Variants in G2E3 observed in about 807,000 individuals in gnomAD.
The protein encoded by G2E3 is G2/M phase-specific E3 ubiquitin-protein ligase.
In G2E3, 35 loss-of-function variants were observed where a neutral mutation model predicts 92.8. That is an observed-to-expected ratio of 0.38 (90% CI 0.29 to 0.50). G2E3 has a LOEUF of 0.50. Among genes scored for constraint, G2E3 ranks in the 20% least tolerant of loss-of-function variants. G2E3 has a pLI of 0.94. For synonymous variants in G2E3, 242 were observed against 272.4 expected, an observed-to-expected ratio of 0.89 and a Z score of 1.10; for missense variants, 554 against 823.8, an observed-to-expected ratio of 0.67 and a Z score of 4.01.
At chr14:30,583,074 T>C (rs549275816) in intron 2 of G2E3, among the ~76,000 whole-genome samples, 3 of 152,138 alleles carry the variant, frequency 2.0e-5, no homozygotes, top group Admixed American at 6.5e-5. Flanking sequence ...CCAGTGTGCA[T>C]GGTTTAAGGA....
chr14:30,594,239 A>C (rs1881158385), intron 6 of G2E3, among the ~76,000 whole-genome samples: 1 of 152,238 alleles, frequency 6.6e-6, no homozygotes, highest in Non-Finnish European at 1.5e-5. Flanking sequence ...GAAAACTTGA[A>C]AAAGATTCCA....
At chr14:30,591,362 A>T (rs577498742) in intron 4 of G2E3, among the ~76,000 whole-genome samples, 1 of 152,132 alleles carries the variant, frequency 6.6e-6, no homozygotes, top group East Asian at 1.9e-4. Context: ...TCATTTAATA[A>T]TTTTTCTATT....
chr14:30,608,221 G>A (rs146633967), intron 12 of G2E3, 152 bp downstream of exon 12: 79 of 487,610 alleles, frequency 1.6e-4, no homozygotes, highest in Non-Finnish European at 2.5e-4. Flanking sequence ...TTCTGAACCA[G>A]TTAAAAGATA....
At chr14:30,567,640 A>G (rs1879519142) in intron 1 of G2E3, among the ~76,000 whole-genome samples, 1 of 151,420 alleles carries the variant, frequency 6.6e-6, no homozygotes, top group African/African-American at 2.4e-5. Flanking sequence ...TTTTTATTAC[A>G]TTATCTGGAC....
At chr14:30,573,569 G>T (rs1879902681) in intron 1 of G2E3, 1 of 152,026 alleles carries the variant, frequency 6.6e-6, no homozygotes, top group Admixed American at 6.6e-5. Context: ...GGAAAGTCCC[G>T]CAGTGTAGTT....
intron 2 of G2E3, among the ~76,000 whole-genome samples, chr14:30,583,644 A>G (rs1310541086): frequency 6.6e-6 from 1 of 152,244 alleles, no homozygotes; most frequent in Non-Finnish European, 1.5e-5. Context: ...CTTGAAAATT[A>G]GTAAATTTTA....
chr14:30,601,026 G>A (rs904068947), intron 8 of G2E3, among the ~76,000 whole-genome samples: 3 of 152,140 alleles, frequency 2.0e-5, no homozygotes, highest in East Asian at 3.9e-4. Context: ...ACATACACAG[G>A]ACAGAAATTA....
In G2E3 at chr14:30,560,969, G is replaced by A. The variant is rs916547552; in HGVS notation, c.-5+1697G>A. Reference sequence around the variant, plus strand: ...GGTTTGAAGCCCATCTCCACCACTTGATAGCTAGGTGACCCTGGGCAAGCT... The same window carrying A: ...GGTTTGAAGCCCATCTCCACCACTTAATAGCTAGGTGACCCTGGGCAAGCT... On this transcript the variant is annotated intron_variant, in intron 1 of 14. Coordinates refer to ENST00000206595, the MANE Select transcript of G2E3 (RefSeq NM_017769.5). 5.0e-6 allele frequency: 3 copies of A among 600,974 alleles called. No homozygotes were observed. The African/African-American group carries it at 5.6e-5, about 11-fold the overall frequency. 37.2% of individuals were successfully genotyped at this position (600,974 alleles called of 1,614,324 possible). A position where few individuals can be genotyped will look rare whatever the true frequency, so the allele number is the denominator to read the frequency against.
At chr14:30,576,828 T>C (rs891588528) in intron 1 of G2E3, among the ~76,000 whole-genome samples, 4 of 151,210 alleles carry the variant, frequency 2.6e-5, no homozygotes, top group Non-Finnish European at 4.4e-5. Context: ...TTCTTAAAAA[T>C]GCTAGATTAA....
chr14:30,612,162 C>G (rs1882122534), intron 12 of G2E3, 45 bp from the exon 13 acceptor site: 1 of 1,409,874 alleles, frequency 7.1e-7, no homozygotes, highest in South Asian at 1.2e-5. Context: ...GCATGTCACT[C>G]AAAAGTAAAT....
intron 8 of G2E3, among the ~76,000 whole-genome samples, chr14:30,601,011 C>T (rs891239909): frequency 6.6e-6 from 1 of 152,306 alleles, no homozygotes; most frequent in East Asian, 1.9e-4. Flanking sequence ...TGGGCAGAGA[C>T]ACACACATAC....
At chr14:30,598,373 C>A in intron 7 of G2E3, 110 bp from the exon 8 acceptor site, 2 of 713,796 alleles carry the variant, frequency 2.8e-6, no homozygotes, top group South Asian at 1.6e-5. Flanking sequence ...GGCGAAAGAG[C>A]AAGACTGCGT....
intron 1 of G2E3, among the ~76,000 whole-genome samples, chr14:30,571,398 A>G (rs1345219750): frequency 1.3e-5 from 2 of 151,828 alleles, no homozygotes; most frequent in African/African-American, 4.8e-5. Flanking sequence ...TTTATTCCCA[A>G]TCTGTGTTTT....
At chr14:30,572,127 A>G (rs1276331291) in intron 1 of G2E3, among the ~76,000 whole-genome samples, 1 of 152,082 alleles carries the variant, frequency 6.6e-6, no homozygotes, top group Non-Finnish European at 1.5e-5. Flanking sequence ...GTTTTTACCT[A>G]TTGTGAATAG....
At chr14:30,587,902 C>T (rs979518218) in intron 3 of G2E3, among the ~76,000 whole-genome samples, 3 of 152,212 alleles carry the variant, frequency 2.0e-5, no homozygotes, top group Non-Finnish European at 4.4e-5. Flanking sequence ...GTAGCCCACA[C>T]TCAAGAGGAA....
chr14:30,602,821 A>G (rs1881636361), intron 10 of G2E3: 1 of 152,176 alleles, frequency 6.6e-6, no homozygotes, highest in South Asian at 2.1e-4. Flanking sequence ...TATGTTGCCC[A>G]GACTGGTCTT....
Position 30,607,875 on chromosome 14 carries a change from T to A in G2E3, c.1319-13T>A. ...TAGAAGTGTATTTGATATATTTTCA[T>A]CTGTATTTACAGCTCTGAAAGAGAA... On this transcript the variant is annotated splice_polypyrimidine_tract_variant and intron_variant, in intron 11 of 14. Coordinates refer to ENST00000206595, the MANE Select transcript of G2E3 (RefSeq NM_017769.5). The A allele has an allele frequency of 6.8e-7, 1 of 1,480,902 alleles. No homozygotes were observed. The highest frequency in any genetic ancestry group is 9.3e-7 in the Non-Finnish European group (1 of 1,073,456). The allele number at this position is 1,480,902 out of a possible 1,614,324, so 91.7% of individuals were successfully genotyped here.
intron 12 of G2E3, chr14:30,611,409 G>A (rs1175525064): frequency 1.3e-5 from 2 of 152,212 alleles, no homozygotes; most frequent in Non-Finnish European, 2.9e-5. Flanking sequence ...TTAGGAAAAG[G>A]AAATTGCAAG....
intron 12 of G2E3, chr14:30,611,514 G>A (rs753236985): frequency 5.3e-5 from 8 of 152,088 alleles, no homozygotes; most frequent in Non-Finnish European, 8.8e-5. Flanking sequence ...CACATAAATG[G>A]CCAAGTATTT....
Sources: gnomAD v4.1 joint callset for allele counts (sites outside exome capture counted in the v4.1 genomes callset) on GRCh38, gnomAD v4.1.1 for gene constraint, MANE v1.5 for transcripts, NCBI Gene and HGNC (gene_info 2026-07-23, HGNC 2026-07-21) for gene names.